FAT3: variants seen among roughly 807,000 people sequenced by gnomAD.
The protein encoded by FAT3 is protocadherin Fat 3.
Under a neutral mutation model 310.2 loss-of-function variants are expected in FAT3, and 95 were observed. That is an observed-to-expected ratio of 0.31 (90% CI 0.26 to 0.36). The LOEUF is 0.36. Among genes scored for constraint, FAT3 ranks in the 10% least tolerant of loss-of-function variants. The pLI, the probability that FAT3 is intolerant of heterozygous loss-of-function variation, is 1.00. For missense variants in FAT3, 5,408 were observed against 5,715.6 expected, an observed-to-expected ratio of 0.95 and a Z score of 1.74; for synonymous variants, 2,314 against 2,192.9, an observed-to-expected ratio of 1.06 and a Z score of -1.54.
At chr11:92,447,168 T>C (rs1951232725) in intron 2 of FAT3, among the ~76,000 whole-genome samples, 1 of 152,050 alleles carries the variant, frequency 6.6e-6, no homozygotes, top group Non-Finnish European at 1.5e-5. Context: ...TGTATGTATG[T>C]GTACATATGT....
chr11:92,645,045 T>C (rs1214128547), intron 3 of FAT3, among the ~76,000 whole-genome samples: 1 of 152,172 alleles, frequency 6.6e-6, no homozygotes, highest in African/African-American at 2.4e-5. Context: ...AAGTGTTTTT[T>C]TGATAATCTT....
At chr11:92,760,100 T>C (rs1260959656) in intron 4 of FAT3, among the ~76,000 whole-genome samples, 1 of 152,168 alleles carries the variant, frequency 6.6e-6, no homozygotes, top group African/African-American at 2.4e-5. Context: ...AGGAATTAGC[T>C]CAAGAGTCAA....
chr11:92,315,508 TATATAGAGAGAG>T (rs1195096245), intron 1 of FAT3, among the ~76,000 whole-genome samples: 193 of 83,282 alleles, frequency 2.3e-3, no homozygotes, highest in African/African-American at 8.5e-3. Context: ...TATATATATA[TATATAGAGAGAG>T]AGAGAGAGAG....
At chr11:92,542,927 G>T (rs1954497544) in intron 3 of FAT3, among the ~76,000 whole-genome samples, 1 of 152,026 alleles carries the variant, frequency 6.6e-6, no homozygotes, top group South Asian at 2.1e-4. Flanking sequence ...ACCAACCTAA[G>T]TGTCCATCCG....
chr11:92,383,476 C>A (rs1373740960), intron 2 of FAT3, among the ~76,000 whole-genome samples: 2 of 152,158 alleles, frequency 1.3e-5, no homozygotes, highest in East Asian at 3.9e-4. Context: ...GATTTTGTCC[C>A]ACAGTGTATT....
intron 4 of FAT3, among the ~76,000 whole-genome samples, chr11:92,735,430 C>T (rs987366069): frequency 6.6e-6 from 1 of 152,108 alleles, no homozygotes; most frequent in Non-Finnish European, 1.5e-5. Flanking sequence ...AGCTTTTGCT[C>T]TCAAATCTTT....
chr11:92,245,077 C>T (rs529533141), intron 1 of FAT3, among the ~76,000 whole-genome samples: 21 of 152,138 alleles, frequency 1.4e-4, no homozygotes, highest in African/African-American at 4.8e-4. Context: ...ATAGCAAAGA[C>T]CTGGAACCAA....
rs758587642 is a variant in FAT3 at position 92,412,702 on chromosome 11, GATATATATAT to G, written c.3292+57332_3292+57341del. Among the ~76,000 whole-genome samples the G allele has an allele frequency of 2.1e-3, 28 of 13,472 alleles. 2 individuals carry two copies. Among genetic ancestry groups the G allele is most frequent in the Middle Eastern group, 0.038 (1 of 26 alleles). 8.8% of individuals were successfully genotyped at this position (13,472 alleles called of 152,430 possible). A position where few individuals can be genotyped will look rare whatever the true frequency, so the allele number is the denominator to read the frequency against. On this transcript the variant is annotated intron_variant, in intron 2 of 27. Coordinates refer to ENST00000525166, the MANE Select transcript of FAT3 (RefSeq NM_001367949.2). ...GTAAAAGTCCAACTATGATGGTGGTGATATATATATATATATATATATATATATATATATA... is the reference window on the plus strand; with the variant it reads ...GTAAAAGTCCAACTATGATGGTGGTGATATATATATATATATATATATATA...
intron 1 of FAT3, among the ~76,000 whole-genome samples, chr11:92,251,003 T>G (rs1325316352): frequency 1.3e-5 from 2 of 152,178 alleles, no homozygotes; most frequent in African/African-American, 2.4e-5. Flanking sequence ...GATAGTCATA[T>G]TTACTGTGGA....
chr11:92,609,425 T>C (rs1940461101), intron 3 of FAT3, among the ~76,000 whole-genome samples: 1 of 152,232 alleles, frequency 6.6e-6, no homozygotes, highest in Non-Finnish European at 1.5e-5. Flanking sequence ...TTTGATGTAA[T>C]GCACATTAGT....
At chr11:92,683,756 C>T (rs1382264876) in intron 3 of FAT3, among the ~76,000 whole-genome samples, 1 of 152,160 alleles carries the variant, frequency 6.6e-6, no homozygotes, top group Non-Finnish European at 1.5e-5. Context: ...TGGAATGCAG[C>T]TTCAGTTCGT....
At chr11:92,675,819 T>C (rs1943271473) in intron 3 of FAT3, among the ~76,000 whole-genome samples, 1 of 152,212 alleles carries the variant, frequency 6.6e-6, no homozygotes, top group Admixed American at 6.5e-5. Context: ...TCTTGTATTA[T>C]TTCTTGTTTA....
chr11:92,484,343 A>C (rs1402184040), intron 2 of FAT3, among the ~76,000 whole-genome samples: 1 of 152,180 alleles, frequency 6.6e-6, no homozygotes, highest in Non-Finnish European at 1.5e-5. Flanking sequence ...GGCACATTTA[A>C]ATTATATTTA....
At chr11:92,682,327 T>C (rs976862269) in intron 3 of FAT3, among the ~76,000 whole-genome samples, 15 of 152,344 alleles carry the variant, frequency 9.8e-5, no homozygotes, top group African/African-American at 3.6e-4. Flanking sequence ...TTGTTAACTA[T>C]GTCAGGGAAA....
intron 1 of FAT3, among the ~76,000 whole-genome samples, chr11:92,301,898 G>T (rs752497698): frequency 5.9e-5 from 9 of 152,016 alleles, no homozygotes; most frequent in Non-Finnish European, 1.0e-4. Context: ...GCTTTGAGGG[G>T]CCCTGAATCA....
intron 1 of FAT3, among the ~76,000 whole-genome samples, chr11:92,324,357 T>C (rs1293857587): frequency 6.6e-6 from 1 of 152,238 alleles, no homozygotes; most frequent in Non-Finnish European, 1.5e-5. Context: ...AAATGAGAGA[T>C]GTGTGACTCT....
intron 3 of FAT3, among the ~76,000 whole-genome samples, chr11:92,619,506 AT>A (rs1177283741): frequency 2.6e-5 from 4 of 152,066 alleles, no homozygotes; most frequent in African/African-American, 9.7e-5. Flanking sequence ...CTGTGGGAAG[AT>A]TTTTTGTTTT....
Position 92,358,494 on chromosome 11 carries a change from C to G in FAT3, c.3292+3090C>G, listed in dbSNP as rs1389174214. Among the ~76,000 whole-genome samples, 7 of 151,916 alleles carry G rather than the reference C, an allele frequency of 4.6e-5. No individual in the cohort carries two copies. In the East Asian group the frequency reaches 1.4e-3, roughly 30 times the overall value. On this transcript the variant is annotated intron_variant, in intron 2 of 27. Transcript: ENST00000525166. ...CTTTATTATTTCATTCTGTTCCCTT[C>G]TCTTAGAAAACACAACTGGGTTTTT...
At chr11:92,273,548 C>T (rs979945757) in intron 1 of FAT3, among the ~76,000 whole-genome samples, 2 of 152,088 alleles carry the variant, frequency 1.3e-5, no homozygotes, top group African/African-American at 4.8e-5. Context: ...GTTGTAATAA[C>T]TGTATAATAT....
Sources: allele counts gnomAD v4.1 joint callset (sites outside exome capture counted in the v4.1 genomes callset), GRCh38; gene constraint gnomAD v4.1.1; transcripts MANE v1.5; gene names NCBI Gene and HGNC (gene_info 2026-07-23, HGNC 2026-07-21).